The following MAML1 variants were observed in gnomAD, a reference collection of about 807,000 sequenced individuals.
MAML1 encodes mastermind like transcriptional coactivator 1, also known as mastermind-like protein 1.
A neutral mutation model predicts 77.1 loss-of-function variants in MAML1; 14 were observed. That is an observed-to-expected ratio of 0.18 (90% CI 0.12 to 0.28). The LOEUF (loss-of-function observed/expected upper bound fraction) is 0.28, where lower values mean the gene tolerates loss of function less well. Among genes scored for constraint, MAML1 ranks in the 10% least tolerant of loss-of-function variants. MAML1 has a pLI of 1.00. For missense variants in MAML1, 1,217 were observed against 1,327.8 expected (o/e 0.92, Z 1.30); for synonymous variants, 516 against 551.9 (o/e 0.93, Z 0.91).
chr5:179,762,217 G>A (rs981779675), intron 1 of MAML1, among the ~76,000 whole-genome samples: 1 of 152,134 alleles, frequency 6.6e-6, no homozygotes, highest in Non-Finnish European at 1.5e-5. Flanking sequence ...GTGGAGATAG[G>A]CAAAGGATTA....
chr5:179,774,646 C>A lies in MAML1; in HGVS notation c.2820C>A (p.Ala940=), dbSNP rs759876729. ...GLSPAGPELG[A]FSQSPASQMG... ...GCCCAGCAGGGCCTGAGCTGGGGGC[C>A]TTCAGCCAGAGCCCTGCCTCACAGA... The change falls in exon 5 of 5, where the codon GCC becomes GCA. Residue 940 remains alanine (A), a synonymous_variant. Transcript: ENST00000292599. 2.4e-5 allele frequency: 39 copies of A among 1,610,946 alleles called. 1 individual carries two copies. The South Asian group carries it at 4.3e-4, about 18-fold the overall frequency.
intron 1 of MAML1, among the ~76,000 whole-genome samples, chr5:179,752,350 A>AATATATATATATATATATAT (rs1554150145): frequency 1.8e-3 from 119 of 66,648 alleles, no homozygotes; most frequent in Admixed American, 2.3e-3. Flanking sequence ...AAAAAAAAAA[A>AATATATATATATATATATAT]ATATATATAT....
At chr5:179,762,384 G>T (rs184588679) in intron 1 of MAML1, among the ~76,000 whole-genome samples, 1 of 152,162 alleles carries the variant, frequency 6.6e-6, no homozygotes, top group Non-Finnish European at 1.5e-5. Context: ...CCTGGAGAGT[G>T]TGGCCTCCCA....
intron 1 of MAML1, among the ~76,000 whole-genome samples, chr5:179,764,291 C>T (rs926995233): frequency 1.3e-5 from 2 of 152,040 alleles, no homozygotes; most frequent in African/African-American, 4.8e-5. Context: ...ATGAATCCAT[C>T]GAGGAGCAGA....
intron 1 of MAML1, among the ~76,000 whole-genome samples, chr5:179,758,046 G>A (rs1211663582): frequency 6.6e-6 from 1 of 152,090 alleles, no homozygotes; most frequent in East Asian, 1.9e-4. Flanking sequence ...CTGGGTGAAG[G>A]GTGCACAGGA....
rs1756113412 is a variant in MAML1 at position 179,775,332 on chromosome 5, T to TA, written c.*458dup. On this transcript the variant is annotated 3_prime_UTR_variant, in exon 5 of 5. Coordinates refer to ENST00000292599, the MANE Select transcript of MAML1 (RefSeq NM_014757.5). ...CAATTTGTAGCATAGAAAAGATTTT[T>TA]AAATTTTTTTACAAAAGGTTTTTAA... 8 of 986,538 alleles carry TA rather than the reference T, an allele frequency of 8.1e-6. No individual in the cohort carries two copies. Among genetic ancestry groups the TA allele is most frequent in the Non-Finnish European group, 9.6e-6 (8 of 830,794 alleles). 61.1% of individuals were successfully genotyped at this position (986,538 alleles called of 1,614,324 possible). A position where few individuals can be genotyped will look rare whatever the true frequency, so the allele number is the denominator to read the frequency against.
In MAML1 at chr5:179,766,771, C is replaced by G; in HGVS notation, c.1731+30C>G. 6.7e-7 allele frequency: 1 copy of G among 1,489,358 alleles called. No homozygotes were observed. Among genetic ancestry groups the G allele is most frequent in the East Asian group, 2.3e-5 (1 of 43,172 alleles). 92.3% of individuals were successfully genotyped at this position (1,489,358 alleles called of 1,614,324 possible). On this transcript the variant is annotated intron_variant, in intron 2 of 4. Transcript: ENST00000292599. The surrounding 1 kb of genome is among the most constrained non-coding windows in gnomAD (Gnocchi z 4.0). ...GTATGAGCCTTTGCTTTCTGTTCCT[C>G]TGCTGCAGACACTTCAGTGAGGTTA...
chr5:179,776,072 T>C lies in MAML1; in HGVS notation c.*1195T>C. ...AAGATTCAAGTGGACTTGACTAAGC[T>C]GAGGGTCCACGAAATAGAATATGAC... On this transcript the variant is annotated 3_prime_UTR_variant, in exon 5 of 5. Transcript: ENST00000292599. 1 of 985,918 alleles carries C rather than the reference T, an allele frequency of 1.0e-6. No homozygotes were observed. Among genetic ancestry groups the C allele is most frequent in the Non-Finnish European group, 1.2e-6 (1 of 829,944 alleles). The allele number at this position is 985,918 out of a possible 1,614,324, so 61.1% of individuals were successfully genotyped here. A position where few individuals can be genotyped will look rare whatever the true frequency, so the allele number is the denominator to read the frequency against.
chr5:179,746,046 CAAA>C (rs1283203244), intron 1 of MAML1, among the ~76,000 whole-genome samples: 2 of 137,198 alleles, frequency 1.5e-5, no homozygotes, highest in African/African-American at 5.3e-5. Flanking sequence ...AAAAAAAAAA[CAAA>C]ACCAAAAAAA....
chr5:179,759,737 T>A (rs1779690236), intron 1 of MAML1, among the ~76,000 whole-genome samples: 1 of 152,212 alleles, frequency 6.6e-6, no homozygotes, highest in Non-Finnish European at 1.5e-5. Context: ...ACTTCTGATG[T>A]TGTAAGTCCT....
chr5:179,740,363 C>T lies in MAML1; in HGVS notation c.315+6936C>T, dbSNP rs536697578. ...TCAGCTCACTACAAGCTCCGCCTCCCGGGTTCACGCCATTTTCCTGCCTCA... is the reference window on the plus strand; with the variant it reads ...TCAGCTCACTACAAGCTCCGCCTCCTGGGTTCACGCCATTTTCCTGCCTCA... On this transcript the variant is annotated intron_variant, in intron 1 of 4. Transcript: ENST00000292599. Among the ~76,000 whole-genome samples, 7 of 152,240 alleles carry T rather than the reference C, an allele frequency of 4.6e-5. No homozygotes were observed. In the South Asian group the frequency reaches 6.2e-4, roughly 14 times the overall value.
chr5:179,761,205 A>G (rs952180695), intron 1 of MAML1, among the ~76,000 whole-genome samples: 10 of 151,294 alleles, frequency 6.6e-5, no homozygotes, highest in African/African-American at 2.4e-4. Context: ...ACTAGCCTGG[A>G]CAACATAGTG....
At chr5:179,765,185 T>C (rs1779793717) in intron 1 of MAML1, 141 bp from the exon 2 acceptor site, 4 of 667,326 alleles carry the variant, frequency 6.0e-6, no homozygotes, top group Non-Finnish European at 1.0e-5. Flanking sequence ...AAAATGGAGG[T>C]GTGTCCCCAG....
rs1554150144 is a variant in MAML1 at position 179,752,350 on chromosome 5, A to AAAAAAAAAT, written c.316-12975_316-12974insAAAAAAATA. ...CAAAAAAAAAAAAAAAAAAAAAAAA[A>AAAAAAAAAT]ATATATATATATATATGGTTAAATA... On this transcript the variant is annotated intron_variant, in intron 1 of 4. Coordinates refer to ENST00000292599, the MANE Select transcript of MAML1 (RefSeq NM_014757.5). Among the ~76,000 whole-genome samples the AAAAAAAAAT allele has an allele frequency of 7.5e-5, 5 of 66,724 alleles. 1 individual carries two copies. The highest frequency in any genetic ancestry group is 3.4e-4 in the African/African-American group (5 of 14,796). 43.8% of individuals were successfully genotyped at this position (66,724 alleles called of 152,430 possible). A position where few individuals can be genotyped will look rare whatever the true frequency, so the allele number is the denominator to read the frequency against.
chr5:179,775,058 G>A lies in MAML1; in HGVS notation c.*181G>A, dbSNP rs1210876103. The stretch of plus-strand genomic sequence containing the variant: ...TGTGGCTGCGCCCCTCAGGCCAGCA[G>A]TTGAGGTCCATCGGGCTGGCCCCAG... On this transcript the variant is annotated 3_prime_UTR_variant, in exon 5 of 5. Coordinates refer to ENST00000292599, the MANE Select transcript of MAML1 (RefSeq NM_014757.5). The A allele has an allele frequency of 5.7e-6, 8 of 1,413,286 alleles. No homozygotes were observed. The highest frequency in any genetic ancestry group is 3.2e-5 in the South Asian group (2 of 61,770). 87.5% of individuals were successfully genotyped at this position (1,413,286 alleles called of 1,614,324 possible).
chr5:179,749,734 C>G (rs551185807), intron 1 of MAML1, among the ~76,000 whole-genome samples: 3 of 152,184 alleles, frequency 2.0e-5, no homozygotes, highest in South Asian at 4.1e-4. Context: ...GAGAAGTGAT[C>G]CTAGGGTGGC....
At chr5:179,735,020 T>C (rs1779138719) in intron 1 of MAML1, among the ~76,000 whole-genome samples, 1 of 152,112 alleles carries the variant, frequency 6.6e-6, no homozygotes, top group Admixed American at 6.5e-5. Flanking sequence ...AGTGTGGACA[T>C]GAAAATACAG....
intron 2 of MAML1, among the ~76,000 whole-genome samples, chr5:179,767,460 T>C (rs1779843007): frequency 6.6e-6 from 1 of 152,238 alleles, no homozygotes; most frequent in African/African-American, 2.4e-5. Flanking sequence ...TTATGTATTT[T>C]TCACATGCTG....
At chr5:179,741,833 A>G (rs1322502766) in intron 1 of MAML1, among the ~76,000 whole-genome samples, 3 of 152,128 alleles carry the variant, frequency 2.0e-5, no homozygotes, top group African/African-American at 4.8e-5. Flanking sequence ...GGGCTAAACA[A>G]TTCTTTTTCC....
Sources: allele counts gnomAD v4.1 joint callset (sites outside exome capture counted in the v4.1 genomes callset), GRCh38; gene constraint gnomAD v4.1.1; non-coding constraint Gnocchi (gnomAD v3.1); transcripts MANE v1.5; gene names NCBI Gene and HGNC (gene_info 2026-07-23, HGNC 2026-07-21).